KCNMB2: variants seen among roughly 807,000 people sequenced by gnomAD.
KCNMB2 encodes the protein potassium calcium-activated channel subfamily M regulatory beta subunit 2.
In KCNMB2, 9 loss-of-function variants were observed where a neutral mutation model predicts 24.5. The observed-to-expected ratio is 0.37, with a 90% CI of 0.22 to 0.64. KCNMB2 has a LOEUF of 0.64. Among genes scored for constraint, KCNMB2 ranks in the 30% least tolerant of loss-of-function variants. The pLI, the probability that KCNMB2 is intolerant of heterozygous loss-of-function variation, is 0.63. For synonymous variants in KCNMB2, 109 were observed against 104.4 expected, an observed-to-expected ratio of 1.04 and a Z score of -0.27; for missense variants, 226 against 284.3, an observed-to-expected ratio of 0.79 and a Z score of 1.47.
intron 4 of KCNMB2, among the ~76,000 whole-genome samples, chr3:178,839,558 A>C (rs1158721295): frequency 3.3e-5 from 5 of 152,232 alleles, no homozygotes; most frequent in Admixed American, 3.3e-4. Flanking sequence ...TTATAAAAGA[A>C]AAAGGTTTAG....
chr3:178,744,061 CT>C lies in KCNMB2; in HGVS notation c.-67-63275del, dbSNP rs1459139237. Among the ~76,000 whole-genome samples, 3 of 152,228 alleles carry C rather than the reference CT, an allele frequency of 2.0e-5. No homozygotes were observed. In the East Asian group the frequency reaches 5.8e-4, roughly 29 times the overall value. ...TTTGCTATAGCGATAGAAGTTAAAT[CT>C]TTTTTTAACTACCTGCAGAGATGGA... On this transcript the variant is annotated intron_variant, in intron 1 of 4. Transcript: ENST00000452583.
At chr3:178,734,982 C>A (rs2108371093) in intron 1 of KCNMB2, among the ~76,000 whole-genome samples, 1 of 152,298 alleles carries the variant, frequency 6.6e-6, no homozygotes, top group South Asian at 2.1e-4. Flanking sequence ...AGATCAATAT[C>A]CTCATCATGA....
rs79622653 is a variant in KCNMB2 at position 178,678,853 on chromosome 3, A to T, written c.-67-128490A>T. Among the ~76,000 whole-genome samples, 1,145 of 152,282 alleles carry T rather than the reference A, an allele frequency of 7.5e-3. 14 individuals carry two copies. Among genetic ancestry groups the T allele is most frequent in the African/African-American group, 0.027 (1,110 of 41,566 alleles). On this transcript the variant is annotated intron_variant, in intron 1 of 4. Transcript: ENST00000452583. Reference sequence around the variant, plus strand: ...CTAGCATGGTTATGGCTTTCTCATCACATTACCGGGCTCAATGTAAAAGAG... The same window carrying T: ...CTAGCATGGTTATGGCTTTCTCATCTCATTACCGGGCTCAATGTAAAAGAG...
At chr3:178,755,864 G>C (rs1454491525) in intron 1 of KCNMB2, among the ~76,000 whole-genome samples, 2 of 152,072 alleles carry the variant, frequency 1.3e-5, no homozygotes, top group Non-Finnish European at 2.9e-5. Flanking sequence ...TATATTTCAA[G>C]TCACCCAAGG....
chr3:178,601,859 G>A (rs1021203587), intron 1 of KCNMB2, among the ~76,000 whole-genome samples: 1 of 152,118 alleles, frequency 6.6e-6, no homozygotes, highest in Non-Finnish European at 1.5e-5. Context: ...AGGAACAAAG[G>A]CAACAGAAGA....
At chr3:178,759,754 C>A (rs565444900) in intron 1 of KCNMB2, among the ~76,000 whole-genome samples, 60 of 5,840 alleles carry the variant, frequency 0.01, 2 homozygotes, top group African/African-American at 0.013. Flanking sequence ...GAGGATATAT[C>A]TATATATATA....
At chr3:178,738,405 T>C (rs1210247416) in intron 1 of KCNMB2, among the ~76,000 whole-genome samples, 2 of 152,218 alleles carry the variant, frequency 1.3e-5, no homozygotes, top group African/African-American at 4.8e-5. Context: ...ACTCCCTTGC[T>C]TAAAACTATT....
intron 1 of KCNMB2, among the ~76,000 whole-genome samples, chr3:178,562,551 T>A (rs1348236594): frequency 6.6e-6 from 1 of 152,226 alleles, no homozygotes; most frequent in Non-Finnish European, 1.5e-5. Flanking sequence ...TTCCTCCAAT[T>A]CTAAACTGTC....
intron 1 of KCNMB2, among the ~76,000 whole-genome samples, chr3:178,576,306 C>T (rs777904780): frequency 4.7e-4 from 71 of 152,052 alleles, no homozygotes; most frequent in African/African-American, 1.5e-3. Context: ...ACTAGGCACT[C>T]GGCCCAGATA....
At chr3:178,816,189 T>C (rs1050002422) in intron 2 of KCNMB2, among the ~76,000 whole-genome samples, 1 of 150,760 alleles carries the variant, frequency 6.6e-6, no homozygotes, top group East Asian at 1.9e-4. Context: ...TTGAGTTTTC[T>C]ATTTATTTCT....
At chr3:178,573,019 GA>G (rs1716860925) in intron 1 of KCNMB2, among the ~76,000 whole-genome samples, 1 of 151,824 alleles carries the variant, frequency 6.6e-6, no homozygotes, top group Non-Finnish European at 1.5e-5. Flanking sequence ...ATTTGAGGAA[GA>G]ATTTTTTTTT....
At chr3:178,693,744 T>C (rs1212573079) in intron 1 of KCNMB2, among the ~76,000 whole-genome samples, 1 of 152,156 alleles carries the variant, frequency 6.6e-6, no homozygotes, top group Non-Finnish European at 1.5e-5. Context: ...GGTATAAGGA[T>C]GATGCTGGCC....
chr3:178,665,144 T>G (rs1720672577), intron 1 of KCNMB2, among the ~76,000 whole-genome samples: 1 of 152,132 alleles, frequency 6.6e-6, no homozygotes, highest in South Asian at 2.1e-4. Context: ...AATCTTTTCA[T>G]GTGATTATTT....
intron 1 of KCNMB2, among the ~76,000 whole-genome samples, chr3:178,784,178 A>G (rs59786025): frequency 3.9e-4 from 60 of 152,332 alleles, no homozygotes; most frequent in African/African-American, 1.3e-3. Flanking sequence ...TTTGGGAGAA[A>G]TAATTTACAT....
chr3:178,680,217 T>G (rs968842019), intron 1 of KCNMB2, among the ~76,000 whole-genome samples: 8 of 152,144 alleles, frequency 5.3e-5, no homozygotes, highest in African/African-American at 1.2e-4. Context: ...GGGAGAGAGA[T>G]AAGGTGAGGA....
chr3:178,830,131 T>C (rs1714998139), intron 4 of KCNMB2, among the ~76,000 whole-genome samples: 1 of 152,206 alleles, frequency 6.6e-6, no homozygotes, highest in South Asian at 2.1e-4. Context: ...TTTGTACTTT[T>C]ATCACCTAAG....
chr3:178,583,661 C>A (rs1364553574), intron 1 of KCNMB2, among the ~76,000 whole-genome samples: 1 of 152,110 alleles, frequency 6.6e-6, no homozygotes, highest in East Asian at 1.9e-4. Context: ...GTAATCCTGG[C>A]AAGTTACTTA....
intron 1 of KCNMB2, among the ~76,000 whole-genome samples, chr3:178,579,838 G>A (rs924050817): frequency 2.6e-5 from 4 of 152,138 alleles, no homozygotes; most frequent in African/African-American, 9.7e-5. Flanking sequence ...TCAAATCTCT[G>A]AATATACCAA....
At chr3:178,738,019 GA>G (rs1442764859) in intron 1 of KCNMB2, among the ~76,000 whole-genome samples, 1 of 152,142 alleles carries the variant, frequency 6.6e-6, no homozygotes, top group Non-Finnish European at 1.5e-5. Flanking sequence ...CAAGAGATCA[GA>G]AGGTATTGGT....
Sources: gnomAD v4.1 joint callset for allele counts (sites outside exome capture counted in the v4.1 genomes callset) on GRCh38, gnomAD v4.1.1 for gene constraint, MANE v1.5 for transcripts, NCBI Gene and HGNC (gene_info 2026-07-23, HGNC 2026-07-21) for gene names.